ADORA2B: variants seen among roughly 807,000 people sequenced by gnomAD.
The protein encoded by ADORA2B is adenosine A2b receptor, also known as adenosine receptor A2b.
In ADORA2B, 18 loss-of-function variants were observed where a neutral mutation model predicts 20.8. The observed-to-expected ratio is 0.87, with a 90% CI of 0.60 to 1.29. The LOEUF (loss-of-function observed/expected upper bound fraction) is 1.29. Among genes scored for constraint, ADORA2B ranks in the 50% most tolerant of loss-of-function variants. The pLI, the probability that ADORA2B is intolerant of heterozygous loss-of-function variation, is 0.00. For synonymous variants in ADORA2B, 179 were observed against 178.3 expected, an observed-to-expected ratio of 1.00 and a Z score of -0.03; for missense variants, 441 against 422.7, an observed-to-expected ratio of 1.04 and a Z score of -0.38.
chr17:15,922,727 A>C, the ADORA2B span, among the ~76,000 whole-genome samples: 2 of 152,216 alleles, frequency 1.3e-5, no homozygotes, highest in Non-Finnish European at 2.9e-5. Flanking sequence ...TGCTGGGTCA[A>C]AGAGTTTATG....
intron 1 of ADORA2B, among the ~76,000 whole-genome samples, chr17:15,962,727 A>G (rs1970056309): frequency 6.6e-6 from 1 of 152,128 alleles, no homozygotes; most frequent in African/African-American, 2.4e-5. Flanking sequence ...CGTGTTGGCC[A>G]GGCTGGTCTC....
intron 1 of ADORA2B, among the ~76,000 whole-genome samples, chr17:15,955,033 G>A (rs1263674701): frequency 6.6e-6 from 1 of 152,106 alleles, no homozygotes; most frequent in Non-Finnish European, 1.5e-5. Context: ...GCACTAGTAG[G>A]TAGGTGAACC....
chr17:15,858,593 G>A, the ADORA2B span: 1 of 152,156 alleles, frequency 6.6e-6, no homozygotes, highest in Non-Finnish European at 1.5e-5. Context: ...GAATAAATGA[G>A]TTAATTAAAA....
the ADORA2B span, among the ~76,000 whole-genome samples, chr17:15,876,834 A>G: frequency 6.6e-6 from 1 of 152,182 alleles, no homozygotes; most frequent in African/African-American, 2.4e-5. Flanking sequence ...TGTTGAGTAT[A>G]TTCACATTGT....
intron 1 of ADORA2B, among the ~76,000 whole-genome samples, chr17:15,948,407 GCTCCAGTCCCCAGT>G (rs1969846419): frequency 1.5e-4 from 5 of 33,684 alleles, no homozygotes; most frequent in Admixed American, 5.9e-4. Context: ...GCGGCGGGGG[GCTCCAGTCCCCAGT>G]GGTGCCGACG....
At chr17:15,903,149 C>A in the ADORA2B span, among the ~76,000 whole-genome samples, 5 of 151,994 alleles carry the variant, frequency 3.3e-5, no homozygotes, top group African/African-American at 1.2e-4. Flanking sequence ...ATTTTTGCTC[C>A]ACTTGAAAAT....
the ADORA2B span, among the ~76,000 whole-genome samples, chr17:15,857,372 C>A: frequency 6.6e-6 from 1 of 152,180 alleles, no homozygotes. Flanking sequence ...GAGGTTGGTG[C>A]CCCCACACAG....
the ADORA2B span, among the ~76,000 whole-genome samples, chr17:15,899,859 GTC>G: frequency 2.7e-5 from 4 of 150,628 alleles, no homozygotes; most frequent in Admixed American, 1.3e-4. Context: ...TTGAGACAGA[GTC>G]TCTCTCTGTC....
Position 15,945,977 on chromosome 17 carries a change from G to T in ADORA2B, c.335+394G>T, listed in dbSNP as rs189844485. 2.4e-3 allele frequency among the ~76,000 whole-genome samples: 359 copies of T among 152,300 alleles called. 1 individual carries two copies. The highest frequency in any genetic ancestry group is 7.5e-3 in the African/African-American group (310 of 41,580). On this transcript the variant is annotated intron_variant, in intron 1 of 1. Coordinates refer to ENST00000304222, the MANE Select transcript of ADORA2B (RefSeq NM_000676.4). ...CATCTCCACTCCTGCCACGAAGGCC[G>T]TTCCTAACACTCGCCCGCAGCGGCG...
At chr17:15,909,928 C>T in the ADORA2B span, among the ~76,000 whole-genome samples, 1 of 152,232 alleles carries the variant, frequency 6.6e-6, no homozygotes, top group African/African-American at 2.4e-5. Context: ...CAGAGCCGCC[C>T]CAGTCCCTCA....
the ADORA2B span, among the ~76,000 whole-genome samples, chr17:15,857,268 T>C: frequency 6.6e-6 from 1 of 152,088 alleles, no homozygotes; most frequent in Admixed American, 6.5e-5. Context: ...TTTCAGAGGA[T>C]GTATGGAAAT....
chr17:15,906,251 C>T, the ADORA2B span, among the ~76,000 whole-genome samples: 2 of 152,194 alleles, frequency 1.3e-5, no homozygotes, highest in Non-Finnish European at 2.9e-5. Context: ...TTGTTTTCTG[C>T]ACATATCCTT....
the ADORA2B span, among the ~76,000 whole-genome samples, chr17:15,934,930 C>T: frequency 6.6e-6 from 1 of 152,150 alleles, no homozygotes; most frequent in Non-Finnish European, 1.5e-5. Context: ...CCTCAGCCTC[C>T]TGATAAGCTG....
the ADORA2B span, among the ~76,000 whole-genome samples, chr17:15,878,173 G>T: frequency 6.5e-5 from 5 of 77,250 alleles, no homozygotes; most frequent in African/African-American, 9.5e-5. Flanking sequence ...TTGTGTGTGT[G>T]TGTGTGTGTA....
chr17:15,892,851 T>C, the ADORA2B span, among the ~76,000 whole-genome samples: 11 of 152,098 alleles, frequency 7.2e-5, no homozygotes, highest in Admixed American at 5.2e-4. Context: ...CCGACAGTGA[T>C]TGATGTCTTT....
chr17:15,975,056 T>TC lies in ADORA2B; in HGVS notation c.713_714insC (p.Met238IlefsTer17). On this transcript the variant is annotated frameshift_variant, in exon 2 of 2. Transcript: ENST00000304222. LOFTEE classifies it high-confidence loss of function. ...ATCCATGCAGCCAAGTCACTGGCCATGATTGTGGGGATTTTTGCCCTGTGC... is the reference window on the plus strand; with the variant it reads ...ATCCATGCAGCCAAGTCACTGGCCATCGATTGTGGGGATTTTTGCCCTGTGC... 1 of 1,614,162 alleles carries TC rather than the reference T, an allele frequency of 6.2e-7. No individual in the cohort carries two copies. The highest frequency in any genetic ancestry group is 8.5e-7 in the Non-Finnish European group (1 of 1,180,028).
chr17:15,962,368 T>C (rs554943831), intron 1 of ADORA2B, among the ~76,000 whole-genome samples: 1 of 152,112 alleles, frequency 6.6e-6, no homozygotes. Flanking sequence ...ATTTTCTTTT[T>C]TTTCCTCATT....
the ADORA2B span, among the ~76,000 whole-genome samples, chr17:15,851,940 T>G: frequency 1.3e-5 from 2 of 152,192 alleles, no homozygotes; most frequent in African/African-American, 4.8e-5. Flanking sequence ...CTCTATAAAT[T>G]TTAAAGATTA....
chr17:15,945,891 C>T (rs1310161270), intron 1 of ADORA2B, among the ~76,000 whole-genome samples: 1 of 152,130 alleles, frequency 6.6e-6, no homozygotes, highest in Non-Finnish European at 1.5e-5. Context: ...AGCGTCACCC[C>T]CGGGGAAAGC....
Sources: allele counts gnomAD v4.1 joint callset (sites outside exome capture counted in the v4.1 genomes callset), GRCh38; gene constraint gnomAD v4.1.1; transcripts MANE v1.5; gene names NCBI Gene and HGNC (gene_info 2026-07-23, HGNC 2026-07-21).